Variants in SLC35F4 observed in about 807,000 individuals in gnomAD.
SLC35F4 encodes the protein solute carrier family 35 member F4.
SLC35F4 carries 24 observed loss-of-function variants against 44.2 expected under a neutral mutation model. The observed-to-expected ratio is 0.54, with a 90% CI of 0.39 to 0.76. The LOEUF is 0.76. Ranked by LOEUF, SLC35F4 falls within the 30% of genes least tolerant of loss-of-function variation. The pLI is 0.00. For synonymous variants in SLC35F4, 238 were observed against 223.6 expected (o/e 1.06, Z -0.57); for missense variants, 562 against 586.1 (o/e 0.96, Z 0.42).
chr14:57,933,059 A>G (rs1174007779), intron 1 of SLC35F4, among the ~76,000 whole-genome samples: 1 of 147,478 alleles, frequency 6.8e-6, no homozygotes, highest in Non-Finnish European at 1.5e-5. Context: ...TTTTTTTTTA[A>G]GAGTCTTGCT....
At chr14:57,911,161 G>A (rs1274449543) in intron 1 of SLC35F4, among the ~76,000 whole-genome samples, 2 of 151,832 alleles carry the variant, frequency 1.3e-5, no homozygotes, top group East Asian at 3.8e-4. Flanking sequence ...AGTTCCAGGG[G>A]TTTGGGGTTT....
intron 1 of SLC35F4, among the ~76,000 whole-genome samples, chr14:57,622,747 C>A (rs530253681): frequency 1.9e-4 from 29 of 151,952 alleles, no homozygotes; most frequent in Middle Eastern, 3.4e-3. Context: ...TGCAGCGCAC[C>A]AGCATGGCAC....
At chr14:57,972,237 A>G (rs1881075585), downstream of SLC35F4, among the ~76,000 whole-genome samples, 1 of 152,216 alleles carries the variant, frequency 6.6e-6, no homozygotes, top group South Asian at 2.1e-4. Context: ...TTTGTTCTAA[A>G]TATGAAAAAA....
chr14:57,886,861 G>A (rs2141036287), intron 1 of SLC35F4, among the ~76,000 whole-genome samples: 1 of 152,274 alleles, frequency 6.6e-6, no homozygotes, highest in South Asian at 2.1e-4. Context: ...GATGCCACAA[G>A]TTCATCTAGG....
At chr14:57,707,492 T>A (rs1284981319) in intron 1 of SLC35F4, among the ~76,000 whole-genome samples, 1 of 152,198 alleles carries the variant, frequency 6.6e-6, no homozygotes, top group African/African-American at 2.4e-5. Flanking sequence ...CCCCTTCACG[T>A]TCTGCCATGA....
In SLC35F4 at chr14:57,693,013, A is replaced by T. The variant is rs188008051; in HGVS notation, c.104-98889T>A. ...GAATACTCTAAACATGACAAAAATT[A>T]AAAAATCCCATATGTTTCATTATTC... is the stretch of plus-strand genomic sequence containing the variant. On this transcript the variant is annotated intron_variant, in intron 1 of 7. Transcript: ENST00000556826. 5.5e-3 allele frequency among the ~76,000 whole-genome samples: 833 copies of T among 152,338 alleles called. 4 individuals carry two copies. The highest frequency in any genetic ancestry group is 8.6e-3 in the Admixed American group (132 of 15,278).
At chr14:57,731,659 A>C (rs113319715) in intron 1 of SLC35F4, among the ~76,000 whole-genome samples, 2,458 of 152,330 alleles carry the variant, frequency 0.016, 33 homozygotes, top group Middle Eastern at 0.041. Context: ...TAATCTGAGA[A>C]TCTTCCTGCA....
At chr14:57,820,609 C>G (rs929645132) in intron 1 of SLC35F4, among the ~76,000 whole-genome samples, 2 of 152,154 alleles carry the variant, frequency 1.3e-5, no homozygotes, top group African/African-American at 4.8e-5. Flanking sequence ...CAAACTACAT[C>G]GTTTAATATT....
intron 2 of SLC35F4, among the ~76,000 whole-genome samples, chr14:57,593,508 G>T (rs1594979103): frequency 6.6e-6 from 1 of 152,124 alleles, no homozygotes; most frequent in Non-Finnish European, 1.5e-5. Context: ...TACTAAAAGG[G>T]CTCCAGGGAC....
chr14:57,848,864 A>T (rs1886270509), intron 1 of SLC35F4, among the ~76,000 whole-genome samples: 1 of 152,138 alleles, frequency 6.6e-6, no homozygotes, highest in Non-Finnish European at 1.5e-5. Flanking sequence ...CTGAGGATCC[A>T]CCTTGGTTAC....
At chr14:57,890,902 A>C (rs939205714) in intron 1 of SLC35F4, among the ~76,000 whole-genome samples, 2 of 152,248 alleles carry the variant, frequency 1.3e-5, no homozygotes, top group African/African-American at 4.8e-5. Context: ...ACTAAGGAGC[A>C]AATAAAAATA....
chr14:57,942,991 G>C lies in SLC35F4; in HGVS notation n.282+38922C>G, dbSNP rs78445720. Among the ~76,000 whole-genome samples, 4 of 152,184 alleles carry C rather than the reference G, an allele frequency of 2.6e-5. No homozygotes were observed. In the South Asian group the frequency reaches 8.3e-4, roughly 32 times the overall value. On this transcript the variant is annotated intron_variant and non_coding_transcript_variant, in intron 1 of 1. Transcript: ENST00000556568. Reference sequence around the variant, plus strand: ...AAAGCACAGACTAGGCTTGAATCTAGTTTTTTTAAAAGCCAGAACTCCAGC... The same window carrying C: ...AAAGCACAGACTAGGCTTGAATCTACTTTTTTTAAAAGCCAGAACTCCAGC...
At chr14:57,971,057 G>C (rs1881040249) in intron 1 of SLC35F4, among the ~76,000 whole-genome samples, 2 of 152,086 alleles carry the variant, frequency 1.3e-5, no homozygotes, top group Admixed American at 1.3e-4. Flanking sequence ...CAAATTAATG[G>C]GTTACCTCAC....
At chr14:57,597,503 GT>G (rs2070562611) in intron 1 of SLC35F4, among the ~76,000 whole-genome samples, 1 of 152,230 alleles carries the variant, frequency 6.6e-6, no homozygotes, top group Non-Finnish European at 1.5e-5. Context: ...ATGAAGAATA[GT>G]TTGTACCTTC....
At chr14:57,584,401 C>G (rs1474103612) in intron 3 of SLC35F4, among the ~76,000 whole-genome samples, 3 of 152,170 alleles carry the variant, frequency 2.0e-5, no homozygotes, top group Non-Finnish European at 2.9e-5. Flanking sequence ...CACACTAACT[C>G]TATTCTTCCC....
In SLC35F4 at chr14:57,969,175, C is replaced by T. The variant is rs933947574; in HGVS notation, n.282+12738G>A. Among the ~76,000 whole-genome samples, 10 of 152,106 alleles carry T rather than the reference C, an allele frequency of 6.6e-5. No individual in the cohort carries two copies. The East Asian group carries it at 1.9e-3, about 29-fold the overall frequency. On this transcript the variant is annotated intron_variant and non_coding_transcript_variant, in intron 1 of 1. Coordinates refer to the SLC35F4 transcript ENST00000556568. ...GGGAAATTTGGACCCTGGCCCTGGT[C>T]CAGTCCATCAAACATATCATTCATA...
At chr14:57,959,938 G>C (rs1246251304) in intron 1 of SLC35F4, among the ~76,000 whole-genome samples, 1 of 152,110 alleles carries the variant, frequency 6.6e-6, no homozygotes, top group African/African-American at 2.4e-5. Flanking sequence ...CTCCACCTTG[G>C]AAGAGGGCAC....
At chr14:57,897,826 A>G (rs183714848) in intron 1 of SLC35F4, among the ~76,000 whole-genome samples, 1 of 152,314 alleles carries the variant, frequency 6.6e-6, no homozygotes, top group African/African-American at 2.4e-5. Context: ...GGTATCATCT[A>G]TAAACAGAGC....
At chr14:57,931,012 G>A (rs1889687344) in intron 1 of SLC35F4, among the ~76,000 whole-genome samples, 1 of 152,122 alleles carries the variant, frequency 6.6e-6, no homozygotes. Flanking sequence ...TCACTTTATG[G>A]GAAAATGAAG....
Sources: gnomAD v4.1 joint callset for allele counts (sites outside exome capture counted in the v4.1 genomes callset) on GRCh38, gnomAD v4.1.1 for gene constraint, MANE v1.5 for transcripts, NCBI Gene and HGNC (gene_info 2026-07-23, HGNC 2026-07-21) for gene names.